The following RFX7 variants were observed in gnomAD, a reference collection of about 807,000 sequenced individuals.
The protein encoded by RFX7 is DNA-binding protein RFX7.
In RFX7, 26 loss-of-function variants were observed where a neutral mutation model predicts 111.8. The ratio of observed to expected loss-of-function variants is 0.23; its 90% CI spans 0.17 to 0.32. The LOEUF (loss-of-function observed/expected upper bound fraction) is 0.32, where lower values mean the gene tolerates loss of function less well. RFX7 is among the 10% of genes least tolerant of loss of function. The pLI is 1.00. For synonymous variants in RFX7, 624 were observed against 624.4 expected (o/e 1.00, Z 0.01); for missense variants, 1,573 against 1,772.9 (o/e 0.89, Z 2.02).
Position 56,243,524 on chromosome 15 carries a change from C to A in RFX7, c.-82G>T. 1 of 984,382 alleles carries A rather than the reference C, an allele frequency of 1.0e-6. No homozygotes were observed. Among genetic ancestry groups the A allele is most frequent in the Non-Finnish European group, 1.2e-6 (1 of 829,586 alleles). 61.0% of individuals were successfully genotyped at this position (984,382 alleles called of 1,614,324 possible). ...GACCAGCGGCTCCTCACGGCCGGGG[C>A]GCTTCACCGCGGGAGAGGCATGGCG... On this transcript the variant is annotated 5_prime_UTR_variant, in exon 1 of 10. Coordinates refer to ENST00000559447, the MANE Select transcript of RFX7 (RefSeq NM_022841.7).
chr15:56,155,628 A>G (rs1378773392), intron 3 of RFX7, among the ~76,000 whole-genome samples: 3 of 152,084 alleles, frequency 2.0e-5, no homozygotes, highest in Non-Finnish European at 2.9e-5. Context: ...GTGTGGGGCT[A>G]GGGGAGGGAT....
At chr15:56,242,979 C>T (rs1391138881) in intron 2 of RFX7, 146 bp downstream of exon 2, 1 of 593,926 alleles carries the variant, frequency 1.7e-6, no homozygotes, top group East Asian at 7.2e-5. Flanking sequence ...TCCAGAGATC[C>T]TACAAATGTG....
chr15:56,224,643 C>T (rs1008734534), intron 2 of RFX7, among the ~76,000 whole-genome samples: 1 of 151,836 alleles, frequency 6.6e-6, no homozygotes, highest in African/African-American at 2.4e-5. Context: ...TTTCCTCTGT[C>T]CTGTCTTTTA....
intron 5 of RFX7, among the ~76,000 whole-genome samples, chr15:56,139,042 C>G (rs1170258588): frequency 1.3e-5 from 2 of 151,558 alleles, no homozygotes; most frequent in Non-Finnish European, 3.0e-5. Context: ...TCTGGCTGCC[C>G]TTAACATTTT....
intron 3 of RFX7, among the ~76,000 whole-genome samples, chr15:56,171,334 C>G (rs376976771): frequency 5.3e-5 from 8 of 151,984 alleles, no homozygotes; most frequent in African/African-American, 1.9e-4. Flanking sequence ...TGGCATGGGA[C>G]CAAATCAAGG....
At chr15:56,132,022 A>ATTACCGAC (rs1321648835) in intron 5 of RFX7, among the ~76,000 whole-genome samples, 1 of 152,106 alleles carries the variant, frequency 6.6e-6, no homozygotes, top group Non-Finnish European at 1.5e-5. Context: ...ATGAATAGAA[A>ATTACCGAC]TTACCGAGGA....
intron 3 of RFX7, among the ~76,000 whole-genome samples, chr15:56,160,911 C>T (rs563619264): frequency 6.6e-6 from 1 of 152,136 alleles, no homozygotes; most frequent in African/African-American, 2.4e-5. Flanking sequence ...CTTTTAAGGG[C>T]TACCTACTAT....
rs1455853806 is a variant in RFX7 at position 56,243,218 on chromosome 15, G to C, written c.68C>G (p.Ala23Gly). Reference protein sequence around the residue: ...PDAHQQLPPSAPNSGVALPAL... With the variant: ...PDAHQQLPPSGPNSGVALPAL... ...TGGCAGGGCCACCCCCGAGTTGGGGGCGCTGGGGGGAAGCTGCTGATGGGC... is the reference window on the plus strand; with the variant it reads ...TGGCAGGGCCACCCCCGAGTTGGGGCCGCTGGGGGGAAGCTGCTGATGGGC... Residue 23 changes from alanine (A) to glycine (G), a missense_variant, in exon 2 of 10, where the codon GCC becomes GGC. Physicochemically the swap from Ala to Gly is moderately conservative, Grantham distance 60. Around this residue, in one of 7 missense-constraint regions of RFX7, gnomAD observed 191 missense variants for 194.2 expected, o/e 0.98. Coordinates refer to ENST00000559447, the MANE Select transcript of RFX7 (RefSeq NM_022841.7). 13 of 1,333,590 alleles carry C rather than the reference G, an allele frequency of 9.7e-6. No homozygotes were observed. Among genetic ancestry groups the C allele is most frequent in the Non-Finnish European group, 1.2e-5 (12 of 1,005,630 alleles). The allele number at this position is 1,333,590 out of a possible 1,614,324, so 82.6% of individuals were successfully genotyped here. A position where few individuals can be genotyped will look rare whatever the true frequency, so the allele number is the denominator to read the frequency against.
chr15:56,119,491 C>A (rs1244891692), intron 5 of RFX7, among the ~76,000 whole-genome samples: 8 of 151,960 alleles, frequency 5.3e-5, no homozygotes, highest in Non-Finnish European at 1.2e-4. Context: ...AAAATGAGTT[C>A]ACTGGCTGGG....
At chr15:56,105,048 A>T (rs1488003280) in intron 5 of RFX7, among the ~76,000 whole-genome samples, 1 of 152,218 alleles carries the variant, frequency 6.6e-6, no homozygotes, top group Non-Finnish European at 1.5e-5. Flanking sequence ...CAATTTCAGA[A>T]GCAAGTTAAA....
intron 5 of RFX7, among the ~76,000 whole-genome samples, chr15:56,127,233 A>G (rs1256999795): frequency 6.6e-6 from 1 of 152,024 alleles, no homozygotes; most frequent in Non-Finnish European, 1.5e-5. Flanking sequence ...TACATAATCA[A>G]TGGATCGAAA....
Position 56,094,019 on chromosome 15 carries a change from G to A in RFX7, c.3709C>T (p.Pro1237Ser). Residue 1237 changes from proline to serine, a missense_variant, in exon 10 of 10, where the codon CCA (proline) becomes TCA (serine). Pro to Ser is a moderately conservative substitution (Grantham distance 74). Coordinates refer to ENST00000559447, the MANE Select transcript of RFX7 (RefSeq NM_022841.7). ...TTTGCTTGCTTCTGAAGAGCGTTTG[G>A]GAAGGCTGTCTGCATCATGACTGTC... ...PLTVMMQTAF[P>S]NALQKQANSK... 1 of 1,613,938 alleles carries A rather than the reference G, an allele frequency of 6.2e-7. No homozygotes were observed. Among genetic ancestry groups the A allele is most frequent in the Non-Finnish European group, 8.5e-7 (1 of 1,179,862 alleles).
intron 3 of RFX7, among the ~76,000 whole-genome samples, chr15:56,160,239 A>G (rs2042704484): frequency 1.3e-5 from 2 of 152,150 alleles, no homozygotes; most frequent in Admixed American, 6.6e-5. Context: ...ACACCTTCCA[A>G]AGTACTGGCC....
intron 5 of RFX7, among the ~76,000 whole-genome samples, chr15:56,111,012 T>C (rs796198891): frequency 0.12 from 4,493 of 36,302 alleles, 756 homozygotes; most frequent in East Asian, 0.54. Context: ...CCACCCCGTC[T>C]GGGAGGGAGG....
At chr15:56,237,886 GAT>G (rs1456601965) in intron 2 of RFX7, among the ~76,000 whole-genome samples, 1 of 152,112 alleles carries the variant, frequency 6.6e-6, no homozygotes, top group Non-Finnish European at 1.5e-5. Flanking sequence ...CCTCAATACG[GAT>G]ATGCAAAATG....
intron 2 of RFX7, among the ~76,000 whole-genome samples, chr15:56,230,059 T>C (rs2043533258): frequency 6.6e-6 from 1 of 151,952 alleles, no homozygotes; most frequent in Non-Finnish European, 1.5e-5. Flanking sequence ...ATCTTAGCCT[T>C]GGGTCTTGTC....
chr15:56,191,178 G>A (rs1217805609), intron 2 of RFX7, among the ~76,000 whole-genome samples: 1 of 152,180 alleles, frequency 6.6e-6, no homozygotes, highest in Non-Finnish European at 1.5e-5. Context: ...CAGGCAATGA[G>A]TTAGTGGTTT....
intron 5 of RFX7, among the ~76,000 whole-genome samples, chr15:56,122,603 T>C (rs1257423890): frequency 1.3e-5 from 2 of 152,180 alleles, no homozygotes; most frequent in Non-Finnish European, 2.9e-5. Flanking sequence ...AGCCAGTCTT[T>C]TGTTCTTGCC....
intron 2 of RFX7, 34 bp from the exon 3 acceptor site, chr15:56,179,337 A>G: frequency 9.0e-7 from 1 of 1,112,928 alleles, no homozygotes; most frequent in Non-Finnish European, 1.2e-6. Flanking sequence ...TAGTAAAATG[A>G]AAAGTTTATT....
Sources: allele counts gnomAD v4.1 joint callset (sites outside exome capture counted in the v4.1 genomes callset), GRCh38; gene constraint gnomAD v4.1.1; regional missense constraint gnomAD v4.1.1; transcripts MANE v1.5; gene names NCBI Gene and HGNC (gene_info 2026-07-23, HGNC 2026-07-21).